FBXO21: variants seen among roughly 807,000 people sequenced by gnomAD.
FBXO21 encodes F-box protein 21.
Under a neutral mutation model 76.6 loss-of-function variants are expected in FBXO21, and 32 were observed. The ratio of observed to expected loss-of-function variants is 0.42; its 90% CI spans 0.32 to 0.56. The LOEUF is 0.56. FBXO21 is among the 20% of genes least tolerant of loss of function. The probability of loss-of-function intolerance (pLI) is 0.16; values close to 1 mark genes in which losing one functional copy is unlikely to be tolerated. For missense variants in FBXO21, 586 were observed against 797.3 expected (o/e 0.73, Z 3.19); for synonymous variants, 328 against 311.5 (o/e 1.05, Z -0.56).
chr12:117,189,412 C>A (rs1298205593), intron 1 of FBXO21, 50 bp from the exon 2 acceptor site: 3 of 1,608,840 alleles, frequency 1.9e-6, no homozygotes, highest in African/African-American at 1.3e-5. Context: ...CAAAGGCAGG[C>A]GGCCACGAAT....
intron 11 of FBXO21, among the ~76,000 whole-genome samples, chr12:117,154,584 G>A (rs902877204): frequency 4.6e-5 from 7 of 152,104 alleles, no homozygotes; most frequent in African/African-American, 1.7e-4. Context: ...ATGGGGTCTT[G>A]CTGTGTTGTA....
At chr12:117,172,659 T>C (rs770266905) in intron 6 of FBXO21, 52 bp from the exon 7 acceptor site, 8 of 1,573,906 alleles carry the variant, frequency 5.1e-6, no homozygotes, top group Non-Finnish European at 6.9e-6. Context: ...TACGTTCTCA[T>C]TCTTTCAATA....
intron 7 of FBXO21, among the ~76,000 whole-genome samples, chr12:117,169,143 A>T (rs191806647): frequency 6.6e-5 from 10 of 152,374 alleles, no homozygotes; most frequent in African/African-American, 2.2e-4. Flanking sequence ...CTATGTAGCC[A>T]CAAAAAAGAA....
In FBXO21 at chr12:117,143,904, T is replaced by C. The variant is rs545362716; in HGVS notation, c.*2183A>G. The C allele has an allele frequency of 3.3e-5, 5 of 152,802 alleles. No individual in the cohort carries two copies. The East Asian group carries it at 7.7e-4, about 24-fold the overall frequency. The allele number at this position is 152,802 out of a possible 1,614,324, so 9.5% of individuals were successfully genotyped here. ...TTTAACATTGTGAAAGTTCAACGTT[T>C]ATAACAGGGCTTTTTAAAATGGAGA... On this transcript the variant is annotated 3_prime_UTR_variant, in exon 12 of 12. Transcript: ENST00000622495.
At chr12:117,183,716 T>C (rs1243523253) in intron 3 of FBXO21, among the ~76,000 whole-genome samples, 2 of 152,246 alleles carry the variant, frequency 1.3e-5, no homozygotes, top group East Asian at 1.9e-4. Flanking sequence ...CATATAGAAG[T>C]GTCTGCTCTT....
intron 10 of FBXO21, among the ~76,000 whole-genome samples, chr12:117,157,602 G>C (rs965975038): frequency 3.3e-5 from 5 of 151,978 alleles, no homozygotes; most frequent in African/African-American, 1.2e-4. Context: ...CTCACACACA[G>C]AGAAGGGTCA....
chr12:117,177,598 A>G lies in FBXO21; in HGVS notation c.514T>C (p.Tyr172His). The G allele has an allele frequency of 6.2e-7, 1 of 1,613,888 alleles. No homozygotes were observed. Among genetic ancestry groups the G allele is most frequent in the Non-Finnish European group, 8.5e-7 (1 of 1,179,820 alleles). Residue 172 changes from tyrosine to histidine, a missense_variant, in exon 4 of 12, where the codon TAC becomes CAC. Transcript: ENST00000622495. ...WKYYAKKILY[Y>H]LRQQKILNNL... ...TTTAAGATCTTCTGTTGCCGCAGGTAGTAAAGAATTTTTTTTGCGTAGTAT... is the reference window on the plus strand; with the variant it reads ...TTTAAGATCTTCTGTTGCCGCAGGTGGTAAAGAATTTTTTTTGCGTAGTAT...
At chr12:117,155,765 T>C in intron 11 of FBXO21, 26 bp downstream of exon 11, 10 of 1,602,154 alleles carry the variant, frequency 6.2e-6, no homozygotes, top group Non-Finnish European at 8.5e-6. Flanking sequence ...GCGGGGCCAC[T>C]GGCACAAGCG....
rs1214829590 is a variant in FBXO21, at chr12:117,142,190, G to A, written c.*3897C>T. 6.6e-6 allele frequency: 1 copy of A among 152,254 alleles called. No homozygotes were observed. Among genetic ancestry groups the A allele is most frequent in the Non-Finnish European group, 1.5e-5 (1 of 68,050 alleles). 9.4% of individuals were successfully genotyped at this position (152,254 alleles called of 1,614,324 possible). On this transcript the variant is annotated 3_prime_UTR_variant, in exon 12 of 12. Coordinates refer to ENST00000622495, the MANE Select transcript of FBXO21 (RefSeq NM_015002.3). ...CTAGACCAAGGCTAAACCGTGGCGA[G>A]GTAGTTGCTTGCGCCGCAGAGTGTG...
chr12:117,174,751 G>A lies in FBXO21; in HGVS notation c.639C>T (p.Ser213=), dbSNP rs1194748828. 8.1e-6 allele frequency: 13 copies of A among 1,614,006 alleles called. No individual in the cohort carries two copies. Among genetic ancestry groups the A allele is most frequent in the Admixed American group, 1.7e-5 (1 of 60,006 alleles). ...CAATTTGGGCCTGGATGTCTTTGAG[G>A]CTGATGTCGGAGAGAGGATTGCAGT... ...DQYCNPLSDI[S]LKDIQAQIDS... Residue 213 remains serine, a synonymous_variant, in exon 5 of 12, where the codon AGC becomes AGT. Transcript: ENST00000622495.
At chr12:117,176,763 T>A (rs1010525229) in intron 4 of FBXO21, among the ~76,000 whole-genome samples, 1 of 151,872 alleles carries the variant, frequency 6.6e-6, no homozygotes, top group Non-Finnish European at 1.5e-5. Context: ...AGACCCCGTC[T>A]CTAAAAATAA....
At position 117,146,205 on chromosome 12, in the gene FBXO21, G is replaced by A. The variant is rs919845463; in HGVS notation, c.1748C>T (p.Thr583Ile). 6.2e-7 allele frequency: 1 copy of A among 1,614,024 alleles called. No homozygotes were observed. The highest frequency in any genetic ancestry group is 1.7e-5 in the Admixed American group (1 of 59,990). ...PDVGRYFSEF[T>I]GTHYIPNAEL... ...TGCGTTTGGGATGTAGTGAGTGCCA[G>A]TAAACTCTGAGAAATAGCGTCCCAC... Residue 583 changes from threonine (T) to isoleucine (I), a missense_variant, in exon 12 of 12, where the codon ACT (threonine) becomes ATT (isoleucine). Coordinates refer to ENST00000622495, the MANE Select transcript of FBXO21 (RefSeq NM_015002.3).
intron 11 of FBXO21, among the ~76,000 whole-genome samples, chr12:117,148,843 G>A (rs11068366): frequency 0.18 from 27,601 of 152,172 alleles, 3,137 homozygotes; most frequent in East Asian, 0.41. Context: ...ACAGGAGCCT[G>A]TGGTTTCAGG....
chr12:117,152,138 G>A (rs1955850462), intron 11 of FBXO21, among the ~76,000 whole-genome samples: 1 of 152,146 alleles, frequency 6.6e-6, no homozygotes, highest in Admixed American at 6.6e-5. Flanking sequence ...ATACAGTTAA[G>A]GAACCAATGA....
chr12:117,185,409 G>A (rs1312521870), intron 3 of FBXO21, among the ~76,000 whole-genome samples: 1 of 152,154 alleles, frequency 6.6e-6, no homozygotes. Flanking sequence ...ATTTCGCAAA[G>A]ATTCCTTTTA....
intron 3 of FBXO21, among the ~76,000 whole-genome samples, chr12:117,184,791 AGAGT>A (rs2135886814): frequency 6.6e-6 from 1 of 152,348 alleles, no homozygotes; most frequent in East Asian, 1.9e-4. Context: ...ATACCACAAA[AGAGT>A]AAGTAGACAT....
chr12:117,183,284 CTT>C (rs925750548), intron 3 of FBXO21, among the ~76,000 whole-genome samples: 6 of 150,102 alleles, frequency 4.0e-5, no homozygotes, highest in East Asian at 2.0e-4. Flanking sequence ...GAGTTTCACT[CTT>C]GTCACCCAGG....
chr12:117,155,823 A>T lies in FBXO21; in HGVS notation c.1643T>A (p.Val548Glu), dbSNP rs867748350. 6.2e-7 allele frequency: 1 copy of T among 1,614,098 alleles called. No individual in the cohort carries two copies. Among genetic ancestry groups the T allele is most frequent in the Non-Finnish European group, 8.5e-7 (1 of 1,179,948 alleles). ...TGCGTATCGACAGGAGCCGTCCTCC[A>T]CCAGCACGTTATAGAAAGGCTGGTG... is the stretch of plus-strand genomic sequence containing the variant. ...GHHQPFYNVL[V>E]EDGSCRYAAQ... is the part of the protein sequence containing the mutation. Residue 548 changes from valine (V) to glutamate (E), a missense_variant, in exon 11 of 12, where the codon GTG (valine) becomes GAG (glutamate). By Grantham distance (121) the Val-to-Glu change is moderately radical. Coordinates refer to ENST00000622495, the MANE Select transcript of FBXO21 (RefSeq NM_015002.3).
Position 117,155,782 on chromosome 12 carries a change from G to T in FBXO21, c.1675+9C>A, listed in dbSNP as rs377288420. 1 of 1,610,180 alleles carries T rather than the reference G, an allele frequency of 6.2e-7. No individual in the cohort carries two copies. The highest frequency in any genetic ancestry group is 8.5e-7 in the Non-Finnish European group (1 of 1,177,882). On this transcript the variant is annotated intron_variant, in intron 11 of 11. Coordinates refer to ENST00000622495, the MANE Select transcript of FBXO21 (RefSeq NM_015002.3). Reference sequence around the variant, plus strand: ...GGGGCCACTGGCACAAGCGGAACCCGCCGCTTACCTTGGGCTGCGTATCGA... The same window carrying T: ...GGGGCCACTGGCACAAGCGGAACCCTCCGCTTACCTTGGGCTGCGTATCGA...
Sources: allele counts gnomAD v4.1 joint callset (sites outside exome capture counted in the v4.1 genomes callset), GRCh38; gene constraint gnomAD v4.1.1; transcripts MANE v1.5; gene names NCBI Gene and HGNC (gene_info 2026-07-23, HGNC 2026-07-21).